SPTAN1: variants seen among roughly 807,000 people sequenced by gnomAD.
SPTAN1 encodes the protein spectrin alpha chain, non-erythrocytic 1.
In SPTAN1, 61 loss-of-function variants were observed where a neutral mutation model predicts 331.3. That is an observed-to-expected ratio of 0.18 (90% CI 0.15 to 0.23). The LOEUF is 0.23. SPTAN1 is among the 10% of genes least tolerant of loss of function. The pLI, the probability that SPTAN1 is intolerant of heterozygous loss-of-function variation, is 1.00. For missense variants in SPTAN1, 2,043 were observed against 3,147.9 expected (o/e 0.65, Z 8.40); for synonymous variants, 1,153 against 1,173.9 (o/e 0.98, Z 0.36).
intron 9 of SPTAN1, 111 bp downstream of exon 9, chr9:128,578,356 G>T (rs1012207232): frequency 6.9e-6 from 10 of 1,449,140 alleles, no homozygotes; most frequent in African/African-American, 1.4e-5. Context: ...TTATTCACAG[G>T]TGTTTCTCAT....
At chr9:128,602,800 T>C (rs972474866) in intron 27 of SPTAN1, among the ~76,000 whole-genome samples, 2 of 151,822 alleles carry the variant, frequency 1.3e-5, no homozygotes, top group Non-Finnish European at 2.9e-5. Context: ...CGTGCCCAGC[T>C]AATTTTTGTA....
At chr9:128,553,262 C>G (rs1402210176) in intron 1 of SPTAN1, 1 of 152,302 alleles carries the variant, frequency 6.6e-6, no homozygotes, top group Non-Finnish European at 1.5e-5. Flanking sequence ...TCTCTGCCGT[C>G]TCTCTGAACG....
In SPTAN1 at chr9:128,632,224, A is replaced by C; in HGVS notation, c.6860A>C (p.Tyr2287Ser). ...MEEALILDNK[Y>S]TEHSTVGLAQ... ...GAGGCCCTCATCCTGGACAACAAGT[A>C]CACGGAGCACAGCACCGTGGGCCTC... Residue 2287 changes from tyrosine to serine, a missense_variant, in exon 53 of 57, where the codon TAC becomes TCC. Tyr to Ser is a moderately radical substitution (Grantham distance 144). Around this residue, in one of 12 missense-constraint regions of SPTAN1, gnomAD observed 256 missense variants for 376.4 expected, o/e 0.68. Transcript: ENST00000372739. The C allele has an allele frequency of 6.2e-7, 1 of 1,613,446 alleles. No individual in the cohort carries two copies. Among genetic ancestry groups the C allele is most frequent in the Non-Finnish European group, 8.5e-7 (1 of 1,180,004 alleles).
chr9:128,617,909 A>G, intron 42 of SPTAN1, 78 bp from the exon 43 acceptor site: 1 of 1,613,348 alleles, frequency 6.2e-7, no homozygotes, highest in Non-Finnish European at 8.5e-7. Flanking sequence ...CTTGATGTTG[A>G]GGCCTTTTCC....
At chr9:128,590,598 T>G in intron 21 of SPTAN1, among the ~76,000 whole-genome samples, 1 of 142,812 alleles carries the variant, frequency 7.0e-6, no homozygotes, top group Non-Finnish European at 1.5e-5. Context: ...ACGCCTATAA[T>G]ATCAGCGCTT....
chr9:128,599,734 CTT>C (rs1201748192), intron 26 of SPTAN1: 2 of 168,752 alleles, frequency 1.2e-5, no homozygotes, highest in African/African-American at 5.1e-5. Flanking sequence ...TTTTCTAAAA[CTT>C]TTTCTATAGC....
rs1158394026 is a variant in SPTAN1 at position 128,583,431 on chromosome 9, C to T, written c.2011+150C>T. ...AATTTCCTGTGTAGGAATTACTTGG[C>T]TTAAGTTCTTGATAATAATTTGGTA... On this transcript the variant is annotated intron_variant, in intron 15 of 56. Coordinates refer to ENST00000372739, the MANE Select transcript of SPTAN1 (RefSeq NM_001130438.3). 9 of 876,922 alleles carry T rather than the reference C, an allele frequency of 1.0e-5. No individual in the cohort carries two copies. In the East Asian group the frequency reaches 2.4e-4, roughly 23 times the overall value. 54.3% of individuals were successfully genotyped at this position (876,922 alleles called of 1,614,324 possible).
At chr9:128,562,571 A>G (rs1849501463) in intron 1 of SPTAN1, among the ~76,000 whole-genome samples, 1 of 152,150 alleles carries the variant, frequency 6.6e-6, no homozygotes, top group East Asian at 1.9e-4. Context: ...AAGGTGACTG[A>G]GTGAAGTCTT....
Position 128,602,964 on chromosome 9 carries a change from CTACGTTGTTGAAATG to C in SPTAN1, c.3580-535_3580-521del, listed in dbSNP as rs538479900. Among the ~76,000 whole-genome samples, 1,400 of 152,054 alleles carry C rather than the reference CTACGTTGTTGAAATG, an allele frequency of 9.2e-3. 10 individuals are homozygous for C. Among genetic ancestry groups the C allele is most frequent in the African/African-American group, 0.023 (937 of 41,462 alleles). ...AGGGACTTTAGGTTTTTAGAAGTAG[CTACGTTGTTGAAATG>C]TACGTTGTTGAAATGTACGTTGTTG... On this transcript the variant is annotated intron_variant, in intron 27 of 56. Coordinates refer to ENST00000372739, the MANE Select transcript of SPTAN1 (RefSeq NM_001130438.3).
intron 5 of SPTAN1, 144 bp from the exon 6 acceptor site, chr9:128,576,679 C>T: frequency 1.8e-6 from 2 of 1,120,956 alleles, no homozygotes; most frequent in Non-Finnish European, 2.6e-6. Context: ...TTGTAGTTCA[C>T]TTTGTATCAT....
Position 128,629,260 on chromosome 9 carries a change from C to A in SPTAN1, c.6708-1061C>A, listed in dbSNP as rs565341958. On this transcript the variant is annotated intron_variant, in intron 51 of 56. Transcript: ENST00000372739. This position sits in a 1 kb window ranked among gnomAD's most constrained non-coding sequence, Gnocchi z 4.9. ...CACTCTTGACATCCCCAGGCGGCTC[C>A]ACCCTGACTAACCTGCCGCCCTCGG... 1 of 398,254 alleles carries A rather than the reference C, an allele frequency of 2.5e-6. No individual in the cohort carries two copies. Among genetic ancestry groups the A allele is most frequent in the East Asian group, 3.6e-5 (1 of 28,052 alleles). The allele number at this position is 398,254 out of a possible 1,614,324, so 24.7% of individuals were successfully genotyped here.
intron 1 of SPTAN1, among the ~76,000 whole-genome samples, chr9:128,553,871 G>T (rs1188757811): frequency 6.6e-6 from 1 of 152,150 alleles, no homozygotes; most frequent in African/African-American, 2.4e-5. Context: ...CGTCGTCATA[G>T]CAATTGGCCT....
At chr9:128,584,092 C>A in intron 16 of SPTAN1, 123 bp downstream of exon 16, 1 of 1,451,412 alleles carries the variant, frequency 6.9e-7, no homozygotes, top group African/African-American at 1.4e-5. Flanking sequence ...TTTCTTAGAT[C>A]GCTCTGTGCT....
intron 1 of SPTAN1, among the ~76,000 whole-genome samples, chr9:128,561,624 C>G (rs1849359576): frequency 8.8e-6 from 1 of 114,002 alleles, no homozygotes; most frequent in Non-Finnish European, 1.7e-5. Context: ...AATTGCACCA[C>G]TGCACTCCAG....
At chr9:128,556,071 A>T (rs1405942696) in intron 1 of SPTAN1, among the ~76,000 whole-genome samples, 1 of 152,060 alleles carries the variant, frequency 6.6e-6, no homozygotes, top group Admixed American at 6.6e-5. Flanking sequence ...AATACAAAAA[A>T]TTAGCCGGGT....
At chr9:128,585,459 C>G (rs1042198643) in intron 18 of SPTAN1, among the ~76,000 whole-genome samples, 2 of 152,114 alleles carry the variant, frequency 1.3e-5, no homozygotes, top group African/African-American at 4.8e-5. Context: ...AGTAACTGAG[C>G]GCTACAGTGG....
chr9:128,597,806 G>A lies in SPTAN1; in HGVS notation c.3415-594G>A, dbSNP rs145905190. Among the ~76,000 whole-genome samples, 653 of 148,474 alleles carry A rather than the reference G, an allele frequency of 4.4e-3. 5 individuals carry two copies. The East Asian group carries it at 0.052, about 12-fold the overall frequency. The stretch of plus-strand genomic sequence containing the variant: ...GCTGGGATTACAGGCGCCTGCCACC[G>A]CGCCTAGCTAATTTTTGTATTTTTA... On this transcript the variant is annotated intron_variant, in intron 24 of 56. Transcript: ENST00000372739.
At chr9:128,595,372 G>C (rs1429774027) in intron 24 of SPTAN1, among the ~76,000 whole-genome samples, 1 of 152,086 alleles carries the variant, frequency 6.6e-6, no homozygotes, top group African/African-American at 2.4e-5. Flanking sequence ...AGCTTCCCAA[G>C]GTGCTGGGAT....
rs544987394 is a variant in SPTAN1 at position 128,584,062 on chromosome 9, G to A, written c.2193+93G>A. ...TAATTTGAGACTAAATGAATTTTGGGAGGGATGAAATGTGTTGATTTTCTT... is the reference window on the plus strand; with the variant it reads ...TAATTTGAGACTAAATGAATTTTGGAAGGGATGAAATGTGTTGATTTTCTT... On this transcript the variant is annotated intron_variant, in intron 16 of 56. Transcript: ENST00000372739. 5.4e-5 allele frequency: 83 copies of A among 1,542,996 alleles called. No individual in the cohort carries two copies. The African/African-American group carries it at 1.1e-3, about 20-fold the overall frequency.
Sources: allele counts gnomAD v4.1 joint callset (sites outside exome capture counted in the v4.1 genomes callset), GRCh38; gene constraint gnomAD v4.1.1; regional missense constraint gnomAD v4.1.1; non-coding constraint Gnocchi (gnomAD v3.1); transcripts MANE v1.5; gene names NCBI Gene and HGNC (gene_info 2026-07-23, HGNC 2026-07-21).